SIN3A: variants seen among roughly 807,000 people sequenced by gnomAD.
SIN3A encodes the protein SIN3 transcription regulator family member A, also known as paired amphipathic helix protein Sin3a.
SIN3A carries 14 observed loss-of-function variants against 146.1 expected under a neutral mutation model. That is an observed-to-expected ratio of 0.10 (90% confidence interval 0.06 to 0.15). The LOEUF (loss-of-function observed/expected upper bound fraction) is 0.15. Among genes scored for constraint, SIN3A ranks in the 10% least tolerant of loss-of-function variants. The probability of loss-of-function intolerance (pLI) is 1.00; values close to 1 mark genes in which losing one functional copy is unlikely to be tolerated. For synonymous variants in SIN3A, 572 were observed against 572.0 expected, an observed-to-expected ratio of 1.00 and a Z score of 0.00; for missense variants, 1,028 against 1,576.0, an observed-to-expected ratio of 0.65 and a Z score of 5.89.
At chr15:75,391,949 A>G (rs2073211169) in intron 15 of SIN3A, among the ~76,000 whole-genome samples, 1 of 152,236 alleles carries the variant, frequency 6.6e-6, no homozygotes, top group South Asian at 2.1e-4. Context: ...GATGGCAGTA[A>G]CCCAGAAATC....
At chr15:75,442,720 G>A (rs1309446040) in intron 1 of SIN3A, among the ~76,000 whole-genome samples, 2 of 151,266 alleles carry the variant, frequency 1.3e-5, no homozygotes. Flanking sequence ...ACCTGAGGTT[G>A]GGAGTTCAAG....
At chr15:75,426,399 T>C (rs2073926619) in intron 2 of SIN3A, among the ~76,000 whole-genome samples, 1 of 152,194 alleles carries the variant, frequency 6.6e-6, no homozygotes, top group African/African-American at 2.4e-5. Context: ...AGAAATGGAA[T>C]TGCCAGGTCA....
At chr15:75,391,398 G>A (rs1411867132) in intron 15 of SIN3A, among the ~76,000 whole-genome samples, 2 of 151,942 alleles carry the variant, frequency 1.3e-5, no homozygotes. Flanking sequence ...TTTCGAGCTA[G>A]GACTAGTCTA....
intron 8 of SIN3A, among the ~76,000 whole-genome samples, chr15:75,408,970 G>A (rs1358375327): frequency 2.0e-5 from 3 of 152,216 alleles, no homozygotes; most frequent in African/African-American, 4.8e-5. Flanking sequence ...TTGGGAGGCC[G>A]AGGTGGGTGG....
intron 1 of SIN3A, among the ~76,000 whole-genome samples, chr15:75,450,563 G>A (rs928617204): frequency 6.6e-6 from 1 of 152,220 alleles, no homozygotes; most frequent in Non-Finnish European, 1.5e-5. Context: ...CGCCCCAATA[G>A]TTACAACCAA....
intron 16 of SIN3A, 39 bp downstream of exon 16, chr15:75,389,613 T>A (rs1320812249): frequency 6.2e-7 from 1 of 1,600,578 alleles, no homozygotes; most frequent in Non-Finnish European, 8.5e-7. Context: ...AGGTAAGGAT[T>A]TCTTCCCTTA....
chr15:75,452,836 A>C (rs940779599), upstream of SIN3A: 3 of 152,306 alleles, frequency 2.0e-5, no homozygotes, highest in African/African-American at 7.2e-5. Context: ...AGAATGGATA[A>C]AATTTCCGTA....
chr15:75,448,405 A>T (rs2074345727), intron 1 of SIN3A, among the ~76,000 whole-genome samples: 6 of 151,352 alleles, frequency 4.0e-5, no homozygotes, highest in Admixed American at 4.0e-4. Context: ...GAGGCAGGAC[A>T]ATCGCTAGAA....
At chr15:75,425,974 G>C (rs1351804378) in intron 2 of SIN3A, among the ~76,000 whole-genome samples, 1 of 152,186 alleles carries the variant, frequency 6.6e-6, no homozygotes, top group African/African-American at 2.4e-5. Context: ...AGAGTAAAAA[G>C]AAACTATTTA....
At chr15:75,422,606 A>C (rs768966665) in intron 3 of SIN3A, 41 bp downstream of exon 3, 15 of 1,608,504 alleles carry the variant, frequency 9.3e-6, no homozygotes, top group Middle Eastern at 1.7e-4. Context: ...TTTCCTGCTA[A>C]AGATAAATTT....
Position 75,392,508 on chromosome 15 carries a change from G to A in SIN3A, c.2585C>T (p.Pro862Leu), listed in dbSNP as rs779742094. 6 of 1,614,112 alleles carry A rather than the reference G, an allele frequency of 3.7e-6. No homozygotes were observed. Among genetic ancestry groups the A allele is most frequent in the Middle Eastern group, 3.3e-4 (2 of 6,062 alleles). The change falls in exon 15 of 21, where the codon CCT becomes CTT. Residue 862 changes from proline (P) to leucine (L), a missense_variant. By Grantham distance (98) the Pro-to-Leu change is moderately conservative (BLOSUM62 -3). This residue lies in a region of SIN3A where 488 missense variants were observed against 690.2 expected (regional missense o/e 0.71). Coordinates refer to ENST00000394947, the MANE Select transcript of SIN3A (RefSeq NM_001145358.2). ...KKHNGVGGSP[P>L]KSKLLFSNTA... ...GTTACTAAACAGTAACTTGGACTTA[G>A]GGGGACTGCCCCCAACACCATTGTG... is the stretch of plus-strand genomic sequence containing the variant.
chr15:75,435,984 G>A (rs779529250), intron 1 of SIN3A, among the ~76,000 whole-genome samples: 4 of 150,894 alleles, frequency 2.7e-5, no homozygotes, highest in Non-Finnish European at 5.9e-5. Flanking sequence ...ACAATTAGCT[G>A]GAAGTGGTGG....
chr15:75,440,719 A>G lies in SIN3A; in HGVS notation c.-33-10311T>C, dbSNP rs1209404931. ...AACAAGGGGTCGGGCGCGGTGGCTC[A>G]TGCCTGTAATCCCAGCACTTTGGAA... On this transcript the variant is annotated intron_variant, in intron 1 of 20. Coordinates refer to ENST00000394947, the MANE Select transcript of SIN3A (RefSeq NM_001145358.2). Among the ~76,000 whole-genome samples, 49 of 152,040 alleles carry G rather than the reference A, an allele frequency of 3.2e-4. 1 individual carries two copies.
Position 75,430,413 on chromosome 15 carries a change from A to C in SIN3A, c.-33-5T>G. 1 of 1,562,006 alleles carries C rather than the reference A, an allele frequency of 6.4e-7. No individual in the cohort carries two copies. The highest frequency in any genetic ancestry group is 8.7e-7 in the Non-Finnish European group (1 of 1,154,710). On this transcript the variant is annotated splice_region_variant and splice_polypyrimidine_tract_variant and intron_variant, in intron 1 of 20. Coordinates refer to ENST00000394947, the MANE Select transcript of SIN3A (RefSeq NM_001145358.2). ...CTCAGGGATGCACTACAAAACCTGC[A>C]GAAACCAAAAGCAATAGCATGCAAG...
intron 8 of SIN3A, among the ~76,000 whole-genome samples, chr15:75,408,932 G>A (rs988141780): frequency 6.6e-6 from 1 of 152,152 alleles, no homozygotes; most frequent in Non-Finnish European, 1.5e-5. Context: ...GGCCAGGCGC[G>A]GTGGCTCACG....
At chr15:75,424,956 A>G (rs2073900587) in intron 2 of SIN3A, among the ~76,000 whole-genome samples, 1 of 152,232 alleles carries the variant, frequency 6.6e-6, no homozygotes, top group Non-Finnish European at 1.5e-5. Context: ...AAAAAAGTTC[A>G]TAATCCACAA....
At chr15:75,383,487 G>A (rs537848366) in intron 17 of SIN3A, among the ~76,000 whole-genome samples, 4 of 150,764 alleles carry the variant, frequency 2.7e-5, no homozygotes, top group African/African-American at 9.8e-5. Flanking sequence ...GCAGTGACGC[G>A]ATCAGGCCTC....
At chr15:75,402,542 C>T (rs964374168) in intron 9 of SIN3A, among the ~76,000 whole-genome samples, 3 of 151,710 alleles carry the variant, frequency 2.0e-5, no homozygotes, top group Non-Finnish European at 4.4e-5. Flanking sequence ...AAAATAAAAA[C>T]GGGGAAATTT....
chr15:75,402,146 C>T (rs2073423747), intron 9 of SIN3A, among the ~76,000 whole-genome samples, 176 bp from the exon 10 acceptor site: 1 of 151,952 alleles, frequency 6.6e-6, no homozygotes, highest in Non-Finnish European at 1.5e-5. Flanking sequence ...CCATGCCTGG[C>T]TAATTTCTAA....
Sources: gnomAD v4.1 joint callset for allele counts (sites outside exome capture counted in the v4.1 genomes callset) on GRCh38, gnomAD v4.1.1 for gene constraint, gnomAD v4.1.1 regional missense constraint, MANE v1.5 for transcripts, NCBI Gene and HGNC (gene_info 2026-07-23, HGNC 2026-07-21) for gene names.